Variants in TEX11 observed in about 807,000 individuals in gnomAD.
TEX11 encodes the protein testis expressed 11.
Under a neutral mutation model 84.4 loss-of-function variants are expected in TEX11, and 7 were observed. That is an observed-to-expected ratio of 0.08 (90% CI 0.05 to 0.16). The LOEUF is 0.16. TEX11 is among the 10% of genes least tolerant of loss of function. The pLI is 1.00. For synonymous variants in TEX11, 264 were observed against 222.8 expected (o/e 1.18, Z -1.64); for missense variants, 551 against 660.5 (o/e 0.83, Z 1.82).
At position 70,891,953 on chromosome X, in the gene TEX11, G is replaced by A. The variant is rs1295527499; in HGVS notation, c.38-11844C>T. The stretch of plus-strand genomic sequence containing the variant: ...TCGTCAGATTCTCCAAGGTTGAAAC[G>A]AAGGAAAACATGTTAAGGGCAGCCA... On this transcript the variant is annotated intron_variant, in intron 2 of 29. Coordinates refer to ENST00000374333, the MANE Select transcript of TEX11 (RefSeq NM_031276.3). Among the ~76,000 whole-genome samples, 3 of 111,205 alleles carry A rather than the reference G, an allele frequency of 2.7e-5. No individual in the cohort carries two copies. In the Admixed American group the frequency reaches 2.9e-4, roughly 11 times the overall value.
intron 9 of TEX11, among the ~76,000 whole-genome samples, chrX:70,797,060 C>A (rs1259420853): frequency 8.9e-6 from 1 of 112,175 alleles, no homozygotes; most frequent in Non-Finnish European, 1.9e-5. Context: ...TTGGAGATTT[C>A]TCAAAGAACT....
intron 7 of TEX11, among the ~76,000 whole-genome samples, chrX:70,843,904 A>T (rs1459984120): frequency 8.9e-6 from 1 of 111,790 alleles, no homozygotes; most frequent in African/African-American, 3.3e-5. Context: ...AATCAAAACC[A>T]CAATGAGATA....
chrX:70,610,877 A>G (rs1413821658), intron 20 of TEX11, among the ~76,000 whole-genome samples: 3 of 111,976 alleles, frequency 2.7e-5, no homozygotes, highest in African/African-American at 9.7e-5. Context: ...GAAGGGGGGA[A>G]CTAGAACCCT....
intron 8 of TEX11, among the ~76,000 whole-genome samples, chrX:70,812,967 C>T (rs1374510652): frequency 1.8e-5 from 2 of 111,101 alleles, no homozygotes; most frequent in Non-Finnish European, 3.8e-5. Context: ...AGCCTACCAA[C>T]CAAAAAAAGT....
At chrX:70,723,376 T>C (rs1429411212) in intron 12 of TEX11, among the ~76,000 whole-genome samples, 1 of 111,186 alleles carries the variant, frequency 9.0e-6, no homozygotes, top group Non-Finnish European at 1.9e-5. Flanking sequence ...CTGTTGAGTA[T>C]GAAATAAAGT....
chrX:70,746,976 G>C (rs1356302079), intron 9 of TEX11, among the ~76,000 whole-genome samples: 1 of 112,036 alleles, frequency 8.9e-6, no homozygotes, highest in East Asian at 2.8e-4. Flanking sequence ...AGCCTCATTG[G>C]CTCAAGGGGC....
At chrX:70,658,726 C>T (rs1204865517) in intron 16 of TEX11, among the ~76,000 whole-genome samples, 2 of 110,657 alleles carry the variant, frequency 1.8e-5, no homozygotes, top group Non-Finnish European at 3.8e-5. Context: ...TATGACAATT[C>T]CAAGGGCATT....
At position 70,629,649 on chromosome X, in the gene TEX11, T is replaced by C; in HGVS notation, c.1570A>G (p.Thr524Ala). 8.3e-7 allele frequency: 1 copy of C among 1,207,723 alleles called. No homozygotes were observed. Among genetic ancestry groups the C allele is most frequent in the Non-Finnish European group, 1.1e-6 (1 of 892,154 alleles). Residue 524 changes from threonine (T) to alanine (A), a missense_variant, in exon 18 of 30, where the codon ACC (threonine) becomes GCC (alanine). By Grantham distance (58) the Thr-to-Ala change is moderately conservative (BLOSUM62 0). Coordinates refer to ENST00000374333, the MANE Select transcript of TEX11 (RefSeq NM_031276.3). ...NDLVAERGSP[T>A]MLLSLAAQFA... ...TGGGCAGCTAAACTTAGAAGCATGG[T>C]AGGTGAACCTCTCTCTGCAACTAGA...
chrX:70,584,891 T>TA (rs1200905659), intron 25 of TEX11, among the ~76,000 whole-genome samples: 2 of 111,383 alleles, frequency 1.8e-5, no homozygotes, highest in African/African-American at 6.5e-5. Flanking sequence ...TAAAGGGCAT[T>TA]AAAAAAAATT....
At chrX:70,652,802 T>C (rs1476641785) in intron 16 of TEX11, among the ~76,000 whole-genome samples, 1 of 111,160 alleles carries the variant, frequency 9.0e-6, no homozygotes, top group Non-Finnish European at 1.9e-5. Context: ...AAGAATAAAA[T>C]AGCCAAAATG....
chrX:70,698,376 C>G (rs1032138790), intron 13 of TEX11, among the ~76,000 whole-genome samples: 3 of 110,109 alleles, frequency 2.7e-5, no homozygotes, highest in Admixed American at 9.8e-5. Flanking sequence ...AGCCAGAGAG[C>G]AGGAAAATAT....
rs964359916 is a variant in TEX11, at chrX:70,773,552, T to C, written c.693-29333A>G. Reference sequence around the variant, plus strand: ...TGAAGAGAGTTCCTCAAGTTATTAATAAAAGAAAAGGATGCTAACAAACAA... The same window carrying C: ...TGAAGAGAGTTCCTCAAGTTATTAACAAAAGAAAAGGATGCTAACAAACAA... On this transcript the variant is annotated intron_variant, in intron 9 of 29. Transcript: ENST00000374333. 2.7e-5 allele frequency among the ~76,000 whole-genome samples: 3 copies of C among 111,776 alleles called. No homozygotes were observed. The East Asian group carries it at 8.3e-4, about 31-fold the overall frequency.
chrX:70,663,626 C>T (rs2089950759), intron 16 of TEX11, among the ~76,000 whole-genome samples: 1 of 111,522 alleles, frequency 9.0e-6, no homozygotes, highest in African/African-American at 3.3e-5. Flanking sequence ...AATACAGATG[C>T]TCCTCAACTA....
chrX:70,893,315 A>T (rs1056210759), intron 2 of TEX11, among the ~76,000 whole-genome samples: 2 of 111,859 alleles, frequency 1.8e-5, no homozygotes, highest in Non-Finnish European at 3.8e-5. Context: ...AATACTCCTC[A>T]GCAAATGCAA....
At chrX:70,782,645 C>CAAAAAAAAAGAAAAAAAAAAAAA (rs2091047577) in intron 9 of TEX11, among the ~76,000 whole-genome samples, 1 of 28,903 alleles carries the variant, frequency 3.5e-5, no homozygotes, top group Admixed American at 6.8e-4. Flanking sequence ...AAATGGAAAG[C>CAAAAAAAAAGAAAAAAAAAAAAA]AAAAAAAAAA....
intron 13 of TEX11, among the ~76,000 whole-genome samples, chrX:70,684,535 G>A (rs934704833): frequency 2.4e-4 from 27 of 111,873 alleles, no homozygotes; most frequent in Admixed American, 6.6e-4. Flanking sequence ...GCAGTGAGCC[G>A]AGATCTCCAG....
chrX:70,820,805 C>A (rs185650435), intron 8 of TEX11, among the ~76,000 whole-genome samples: 1 of 111,704 alleles, frequency 9.0e-6, no homozygotes, highest in African/African-American at 3.3e-5. Context: ...TCCCACCAGG[C>A]CCCACCTCCA....
intron 10 of TEX11, among the ~76,000 whole-genome samples, chrX:70,741,081 A>G (rs1218993046): frequency 1.8e-5 from 2 of 111,467 alleles, no homozygotes; most frequent in African/African-American, 6.5e-5. Context: ...AACGTATTTT[A>G]TCATCCCCCC....
At chrX:70,811,539 C>T (rs1006461132) in intron 8 of TEX11, among the ~76,000 whole-genome samples, 9 of 111,325 alleles carry the variant, frequency 8.1e-5, no homozygotes, top group Non-Finnish European at 1.5e-4. Context: ...GGGTATATAC[C>T]CAGTAATGGG....
Sources: allele counts gnomAD v4.1 joint callset (sites outside exome capture counted in the v4.1 genomes callset), GRCh38; gene constraint gnomAD v4.1.1; transcripts MANE v1.5; gene names NCBI Gene and HGNC (gene_info 2026-07-23, HGNC 2026-07-21).